Variants in ACVR1B observed in about 807,000 individuals in gnomAD.
ACVR1B encodes activin A receptor type 1B.
ACVR1B carries 15 observed loss-of-function variants against 55.6 expected under a neutral mutation model. The ratio of observed to expected loss-of-function variants is 0.27; its 90% confidence interval spans 0.18 to 0.42. The LOEUF is 0.42. Ranked by LOEUF, ACVR1B falls within the 10% of genes least tolerant of loss-of-function variation. ACVR1B has a pLI of 1.00. For missense variants in ACVR1B, 359 were observed against 670.1 expected, an observed-to-expected ratio of 0.54 and a Z score of 5.13; for synonymous variants, 247 against 254.6, an observed-to-expected ratio of 0.97 and a Z score of 0.28.
In ACVR1B at chr12:51,990,794, C is replaced by T. The variant is rs191303816; in HGVS notation, c.1262-1069C>T. 1.5e-4 allele frequency among the ~76,000 whole-genome samples: 23 copies of T among 152,160 alleles called. No individual in the cohort carries two copies. In the East Asian group the frequency reaches 3.7e-3, roughly 24 times the overall value. Reference sequence around the variant, plus strand: ...ATTTTTTCTTCCCACTCTGTTTTTTCGGAGAATCCAGGTCATTTGTCCTGT... The same window carrying T: ...ATTTTTTCTTCCCACTCTGTTTTTTTGGAGAATCCAGGTCATTTGTCCTGT... On this transcript the variant is annotated intron_variant, in intron 7 of 8. Transcript: ENST00000257963.
At chr12:51,955,728 T>TA (rs1941393797) in intron 1 of ACVR1B, among the ~76,000 whole-genome samples, 1 of 152,224 alleles carries the variant, frequency 6.6e-6, no homozygotes, top group Non-Finnish European at 1.5e-5. Context: ...AAGAGGGTCT[T>TA]AATCTCATTT....
intron 1 of ACVR1B, among the ~76,000 whole-genome samples, chr12:51,961,654 C>T (rs73094764): frequency 0.033 from 5,047 of 152,276 alleles, 100 homozygotes; most frequent in Middle Eastern, 0.054. Context: ...GTGACATACA[C>T]GGTCTCCTCT....
chr12:51,952,573 A>T (rs1353748862), intron 1 of ACVR1B, among the ~76,000 whole-genome samples: 2 of 151,796 alleles, frequency 1.3e-5, no homozygotes, highest in African/African-American at 4.8e-5. Context: ...GGAATCCCTA[A>T]CCCTATGGAA....
At chr12:51,973,355 A>G (rs941217514) in intron 1 of ACVR1B, among the ~76,000 whole-genome samples, 3 of 152,222 alleles carry the variant, frequency 2.0e-5, no homozygotes, top group African/African-American at 4.8e-5. Context: ...ACATCACAAC[A>G]CAAATATTGA....
chr12:51,963,478 T>C (rs1388225059), intron 1 of ACVR1B, among the ~76,000 whole-genome samples: 4 of 152,242 alleles, frequency 2.6e-5, no homozygotes, highest in Non-Finnish European at 5.9e-5. Flanking sequence ...CTGTAAGTGA[T>C]CCACCCACCT....
At chr12:51,980,890 CG>C in intron 3 of ACVR1B, 78 bp from the exon 4 acceptor site, 2 of 1,228,792 alleles carry the variant, frequency 1.6e-6, no homozygotes, top group Middle Eastern at 1.9e-4. Context: ...AGGGTGTTTC[CG>C]TTGTGCCAAT....
At chr12:51,989,721 C>T (rs1942152208) in intron 7 of ACVR1B, among the ~76,000 whole-genome samples, 1 of 152,168 alleles carries the variant, frequency 6.6e-6, no homozygotes, top group Non-Finnish European at 1.5e-5. Context: ...CGCGGTGGCT[C>T]ATGCCTGTAA....
chr12:51,982,475 C>T (rs1941997795), intron 4 of ACVR1B, among the ~76,000 whole-genome samples: 1 of 152,210 alleles, frequency 6.6e-6, no homozygotes, highest in African/African-American at 2.4e-5. Context: ...TCCCTCCCCT[C>T]ACAGAGCTCC....
intron 1 of ACVR1B, among the ~76,000 whole-genome samples, chr12:51,973,420 C>T (rs1941785517): frequency 6.6e-6 from 1 of 152,184 alleles, no homozygotes; most frequent in South Asian, 2.1e-4. Context: ...TCCCCACTGC[C>T]ACAAAGGGGA....
At chr12:51,975,057 G>C (rs1258658931) in intron 1 of ACVR1B, among the ~76,000 whole-genome samples, 1 of 152,228 alleles carries the variant, frequency 6.6e-6, no homozygotes, top group Non-Finnish European at 1.5e-5. Context: ...AGAGCACTTA[G>C]AGGATAATAG....
At chr12:51,981,868 A>G (rs1419102891) in intron 4 of ACVR1B, among the ~76,000 whole-genome samples, 2 of 152,164 alleles carry the variant, frequency 1.3e-5, no homozygotes, top group African/African-American at 4.8e-5. Context: ...AAAAGAAAAA[A>G]AAAATCCCTA....
intron 4 of ACVR1B, among the ~76,000 whole-genome samples, chr12:51,983,371 G>A (rs1348592327): frequency 1.3e-5 from 2 of 152,190 alleles, no homozygotes; most frequent in African/African-American, 2.4e-5. Flanking sequence ...GGAATACTTG[G>A]AAGTGGTCTA....
At chr12:51,955,852 C>T (rs893924442) in intron 1 of ACVR1B, among the ~76,000 whole-genome samples, 2 of 152,204 alleles carry the variant, frequency 1.3e-5, no homozygotes, top group Non-Finnish European at 2.9e-5. Flanking sequence ...ACTGGGAATG[C>T]GGGAACCTTT....
chr12:51,987,146 C>T lies in ACVR1B; in HGVS notation c.1261+204C>T, dbSNP rs768538091. 2.0e-5 allele frequency: 15 copies of T among 745,584 alleles called. No individual in the cohort carries two copies. The East Asian group carries it at 3.2e-4, about 16-fold the overall frequency. The allele number at this position is 745,584 out of a possible 1,614,324, so 46.2% of individuals were successfully genotyped here. A position where few individuals can be genotyped will look rare whatever the true frequency, so the allele number is the denominator to read the frequency against. ...CTTCAGGGATCAGTTTGTTGAATAG[C>T]GTTGTGTGTTATGGTAACCATTCTG... On this transcript the variant is annotated intron_variant, in intron 7 of 8. Coordinates refer to ENST00000257963, the MANE Select transcript of ACVR1B (RefSeq NM_004302.5).
rs1414778196 is a variant in ACVR1B at position 51,986,863 on chromosome 12, CTT to C, written c.1184_1185del (p.Phe395Ter). On this transcript the variant is annotated frameshift_variant, in exon 7 of 9. Coordinates refer to ENST00000257963, the MANE Select transcript of ACVR1B (RefSeq NM_004302.5). LOFTEE classifies it high-confidence loss of function. Reference protein sequence around the residue: ...VLDETINMKHFDSFKCADIYA... With the variant: ...VLDETINMKHXDSFKCADIYA... ...TTGATGAAACCATTAATATGAAACA[CTT>C]TGACTCCTTTAAATGTGCTGATATT... 6.2e-7 allele frequency: 1 copy of C among 1,614,036 alleles called. No individual in the cohort carries two copies. The highest frequency in any genetic ancestry group is 2.2e-5 in the East Asian group (1 of 44,908).
chr12:51,990,476 T>C (rs1212747777), intron 7 of ACVR1B, among the ~76,000 whole-genome samples: 3 of 151,718 alleles, frequency 2.0e-5, no homozygotes, highest in African/African-American at 7.3e-5. Context: ...CACCATGCCC[T>C]ACTAATTTTT....
At chr12:51,984,514 T>C (rs971967713) in intron 5 of ACVR1B, among the ~76,000 whole-genome samples, 2 of 152,240 alleles carry the variant, frequency 1.3e-5, no homozygotes, top group Non-Finnish European at 2.9e-5. Context: ...ACCAGTGTAC[T>C]GGGAACATCA....
At chr12:51,960,756 C>A (rs1054042706) in intron 1 of ACVR1B, among the ~76,000 whole-genome samples, 1 of 152,178 alleles carries the variant, frequency 6.6e-6, no homozygotes, top group Non-Finnish European at 1.5e-5. Context: ...ACCTTCTAAC[C>A]AGGCTCTCTG....
intron 6 of ACVR1B, 96 bp from the exon 7 acceptor site, chr12:51,986,722 C>A: frequency 6.7e-7 from 1 of 1,497,556 alleles, no homozygotes; most frequent in Non-Finnish European, 8.9e-7. Flanking sequence ...CAGGGTGATA[C>A]TCTTCCACAT....
Sources: allele counts gnomAD v4.1 joint callset (sites outside exome capture counted in the v4.1 genomes callset), GRCh38; gene constraint gnomAD v4.1.1; transcripts MANE v1.5; gene names NCBI Gene and HGNC (gene_info 2026-07-23, HGNC 2026-07-21).